Variants in ATP2A1 observed in about 807,000 individuals in gnomAD.
ATP2A1 encodes ATPase sarcoplasmic/endoplasmic reticulum Ca2+ transporting 1, also known as sarcoplasmic/endoplasmic reticulum calcium ATPase 1.
A neutral mutation model predicts 109.5 loss-of-function variants in ATP2A1; 83 were observed. The observed-to-expected ratio is 0.76, with a 90% CI of 0.63 to 0.91. The LOEUF (loss-of-function observed/expected upper bound fraction) is 0.91. Among genes scored for constraint, ATP2A1 ranks in the 40% least tolerant of loss-of-function variants. The pLI is 0.00. For synonymous variants in ATP2A1, 505 were observed against 537.6 expected, an observed-to-expected ratio of 0.94 and a Z score of 0.84; for missense variants, 1,101 against 1,341.0, an observed-to-expected ratio of 0.82 and a Z score of 2.80.
intron 14 of ATP2A1, among the ~76,000 whole-genome samples, chr16:28,900,139 T>TA (rs879265799): frequency 2.0e-4 from 29 of 144,454 alleles, no homozygotes; most frequent in South Asian, 8.8e-4. Context: ...TACTAAAAAT[T>TA]AAAAAAAAAA....
intron 9 of ATP2A1, among the ~76,000 whole-genome samples, chr16:28,889,914 T>G (rs1366246714): frequency 6.6e-6 from 1 of 152,046 alleles, no homozygotes; most frequent in Non-Finnish European, 1.5e-5. Context: ...GAGGCCAAGA[T>G]AGGCAGATCA....
chr16:28,894,783 TG>T, intron 11 of ATP2A1, 38 bp from the exon 12 acceptor site: 1 of 1,609,532 alleles, frequency 6.2e-7, no homozygotes, highest in Non-Finnish European at 8.5e-7. Context: ...GGTAGGAGCC[TG>T]GGGCACCGAC....
In ATP2A1 at chr16:28,882,463, G is replaced by C; in HGVS notation, c.337G>C (p.Glu113Gln). The part of the protein sequence containing the change: ...IVGVWQERNA[E>Q]NAIEALKEYE... ...CCTGTCTCCTCAGGAGCGGAACGCA[G>C]AGAACGCCATCGAGGCCCTGAAGGA... Residue 113 changes from glutamate to glutamine, a missense_variant, in exon 5 of 23, where the codon GAG becomes CAG. Physicochemically the swap from Glu to Gln is conservative, Grantham distance 29. Coordinates refer to ENST00000395503, the MANE Select transcript of ATP2A1 (RefSeq NM_004320.6). 1 of 1,614,200 alleles carries C rather than the reference G, an allele frequency of 6.2e-7. No homozygotes were observed. Among genetic ancestry groups the C allele is most frequent in the Non-Finnish European group, 8.5e-7 (1 of 1,180,028 alleles).
At chr16:28,886,385 G>C (rs370754451) in intron 6 of ATP2A1, among the ~76,000 whole-genome samples, 3 of 152,048 alleles carry the variant, frequency 2.0e-5, no homozygotes, top group Admixed American at 2.0e-4. Context: ...AGGGAGAAGC[G>C]AAGAAGAGGC....
At chr16:28,900,106 G>A (rs1179775552) in intron 14 of ATP2A1, among the ~76,000 whole-genome samples, 1 of 151,758 alleles carries the variant, frequency 6.6e-6, no homozygotes, top group Non-Finnish European at 1.5e-5. Context: ...ACCAGCCTGG[G>A]CAACATAGCA....
chr16:28,895,973 G>A (rs1298214210), intron 12 of ATP2A1, among the ~76,000 whole-genome samples: 2 of 152,058 alleles, frequency 1.3e-5, no homozygotes, highest in African/African-American at 4.8e-5. Flanking sequence ...TTTTTGAGAT[G>A]GGGTCTTGGC....
intron 8 of ATP2A1, among the ~76,000 whole-genome samples, chr16:28,888,440 C>T (rs1004764901): frequency 2.0e-5 from 3 of 151,822 alleles, no homozygotes; most frequent in East Asian, 1.9e-4. Flanking sequence ...CAGAGTCTCA[C>T]TCTTGTTGCC....
rs1289417886 is a variant in ATP2A1, at chr16:28,894,515, G to T, written c.1195G>T (p.Asp399Tyr). 1.2e-6 allele frequency: 2 copies of T among 1,613,820 alleles called. No individual in the cohort carries two copies. Among genetic ancestry groups the T allele is most frequent in the Non-Finnish European group, 1.7e-6 (2 of 1,180,020 alleles). Residue 399 changes from aspartate to tyrosine, a missense_variant, in exon 11 of 23, where the codon GAT becomes TAT. By Grantham distance (160) the Asp-to-Tyr change is radical. Coordinates refer to ENST00000395503, the MANE Select transcript of ATP2A1 (RefSeq NM_004320.6). ...TGACCCTGCTGCCAGCTTGAAGAAT[G>T]ATAAGCCAGTCCGGCCAGGGCAGTA... Reference protein sequence around the residue: ...YAPEGEVLKNDKPVRPGQYDG... With the variant: ...YAPEGEVLKNYKPVRPGQYDG...
At chr16:28,893,233 A>G (rs1196370338) in intron 9 of ATP2A1, among the ~76,000 whole-genome samples, 1 of 151,302 alleles carries the variant, frequency 6.6e-6, no homozygotes, top group African/African-American at 2.4e-5. Context: ...AAAAAAAAAA[A>G]AAAGAGAGAG....
At position 28,900,895 on chromosome 16, in the gene ATP2A1, C is replaced by T; in HGVS notation, c.2079C>T (p.Ser693=). The T allele has an allele frequency of 1.2e-6, 2 of 1,614,164 alleles. No homozygotes were observed. Among genetic ancestry groups the T allele is most frequent in the South Asian group, 1.1e-5 (1 of 91,080 alleles). Residue 693 remains serine, a synonymous_variant, in exon 15 of 23, where the codon TCC becomes TCT. Transcript: ENST00000395503. ...CCAAGATTGTGGAGTACCTGCAGTCCTACGATGAGATCACAGCCATGGTGA... is the reference window on the plus strand; with the variant it reads ...CCAAGATTGTGGAGTACCTGCAGTCTTACGATGAGATCACAGCCATGGTGA... ...HKSKIVEYLQ[S]YDEITAMTGD... is the part of the protein sequence containing the mutation.
chr16:28,887,601 G>C lies in ATP2A1; in HGVS notation c.807G>C (p.Val269=). The stretch of plus-strand genomic sequence containing the variant: ...CCAAGGTCATCTCCCTCATCTGTGT[G>C]GCTGTCTGGCTTATCAACATTGGCC... ...QLSKVISLIC[V]AVWLINIGHF... Residue 269 remains valine, a synonymous_variant, in exon 8 of 23, where the codon GTG becomes GTC. Coordinates refer to ENST00000395503, the MANE Select transcript of ATP2A1 (RefSeq NM_004320.6). The C allele has an allele frequency of 1.9e-6, 3 of 1,614,082 alleles. No homozygotes were observed. In the South Asian group the frequency reaches 3.3e-5, roughly 18 times the overall value.
Position 28,898,135 on chromosome 16 carries a change from C to T in ATP2A1, c.1545+10C>T, listed in dbSNP as rs776909223. The T allele has an allele frequency of 3.1e-6, 5 of 1,614,158 alleles. No individual in the cohort carries two copies. The highest frequency in any genetic ancestry group is 4.2e-6 in the Non-Finnish European group (5 of 1,180,038). The stretch of plus-strand genomic sequence containing the variant: ...CAAGATGTTTGTCAAGGTCAGAAAT[C>T]GGAATGTGCCTCAGCCCCCTCTTCT... On this transcript the variant is annotated intron_variant, in intron 13 of 22. Transcript: ENST00000395503. The surrounding 1 kb of genome is among the most constrained non-coding windows in gnomAD (Gnocchi z 4.0).
At chr16:28,901,593 A>G (rs1964074241) in intron 15 of ATP2A1, among the ~76,000 whole-genome samples, 1 of 152,152 alleles carries the variant, frequency 6.6e-6, no homozygotes, top group African/African-American at 2.4e-5. Context: ...AGATTGCGCC[A>G]CTGCATTCCA....
chr16:28,880,498 C>T lies in ATP2A1; in HGVS notation c.220-417C>T, dbSNP rs1403839078. Among the ~76,000 whole-genome samples the T allele has an allele frequency of 6.6e-6, 1 of 152,258 alleles. No individual in the cohort carries two copies. The highest frequency in any genetic ancestry group is 2.1e-4 in the South Asian group (1 of 4,834). On this transcript the variant is annotated intron_variant, in intron 3 of 22. Coordinates refer to ENST00000395503, the MANE Select transcript of ATP2A1 (RefSeq NM_004320.6). This position sits in a 1 kb window ranked among gnomAD's most constrained non-coding sequence, Gnocchi z 4.2. ...CTCCGGCTCCCTCGTGAAACCGGAGCTTCCCTGCCTTGGCCGAGGGGGAGG... is the reference window on the plus strand; with the variant it reads ...CTCCGGCTCCCTCGTGAAACCGGAGTTTCCCTGCCTTGGCCGAGGGGGAGG...
intron 12 of ATP2A1, among the ~76,000 whole-genome samples, chr16:28,895,392 T>C (rs1046361767): frequency 6.6e-6 from 1 of 152,226 alleles, no homozygotes; most frequent in African/African-American, 2.4e-5. Context: ...CTTCTAGGAC[T>C]GTCACTCCCA....
chr16:28,888,978 C>A lies in ATP2A1; in HGVS notation c.1095+25C>A, dbSNP rs893756145. 4 of 1,613,600 alleles carry A rather than the reference C, an allele frequency of 2.5e-6. No homozygotes were observed. In the African/African-American group the frequency reaches 4.0e-5, roughly 16 times the overall value. On this transcript the variant is annotated intron_variant, in intron 9 of 22. Transcript: ENST00000395503. ...GGTCAGGAGCAGTGTGGGCAGCGCG[C>A]TCAGTCAGAAGGCTGCCTGTGGGGG... is the stretch of plus-strand genomic sequence containing the variant.
chr16:28,903,139 C>A lies in ATP2A1; in HGVS notation c.2854C>A (p.Pro952Thr). ...SLHFLILYVD[P>T]LPMIFKLRAL... ...GCACTTCCTCATCCTCTATGTTGAC[C>A]CCCTGCCGGTGAGGTTTCTTCCGCC... The change falls in exon 20 of 23, where the codon CCC (proline) becomes ACC (threonine). Residue 952 changes from proline (P) to threonine (T), a missense_variant. By Grantham distance (38) the Pro-to-Thr change is conservative (BLOSUM62 -1). Transcript: ENST00000395503. The surrounding 1 kb of genome is among the most constrained non-coding windows in gnomAD (Gnocchi z 5.6). 6.2e-7 allele frequency: 1 copy of A among 1,613,624 alleles called. No individual in the cohort carries two copies.
Position 28,903,516 on chromosome 16 carries a change from C to A in ATP2A1, c.2980+76C>A, listed in dbSNP as rs1473266442. 7.1e-7 allele frequency: 1 copy of A among 1,401,886 alleles called. No individual in the cohort carries two copies. The allele number at this position is 1,401,886 out of a possible 1,614,324, so 86.8% of individuals were successfully genotyped here. ...CCCATGACGCCGCCCCCGCCCCGCC[C>A]CGTACTTTGCAGGTGGTAAGTTTCT... On this transcript the variant is annotated intron_variant, in intron 21 of 22. Transcript: ENST00000395503. This position sits in a 1 kb window ranked among gnomAD's most constrained non-coding sequence, Gnocchi z 5.6.
At chr16:28,879,222 C>A (rs80127885) in intron 2 of ATP2A1, 106 bp downstream of exon 2, 2 of 1,401,300 alleles carry the variant, frequency 1.4e-6, no homozygotes, top group African/African-American at 2.8e-5. Context: ...AATATCCCTT[C>A]CCAAAAGGCA....
Sources: allele counts gnomAD v4.1 joint callset (sites outside exome capture counted in the v4.1 genomes callset), GRCh38; gene constraint gnomAD v4.1.1; non-coding constraint Gnocchi (gnomAD v3.1); transcripts MANE v1.5; gene names NCBI Gene and HGNC (gene_info 2026-07-23, HGNC 2026-07-21).